Variants in TLE2 observed in about 807,000 individuals in gnomAD.
The protein encoded by TLE2 is TLE family member 2, transcriptional corepressor, also known as transducin-like enhancer protein 2.
Under a neutral mutation model 97.2 loss-of-function variants are expected in TLE2, and 74 were observed. The observed-to-expected ratio is 0.76, with a 90% confidence interval of 0.63 to 0.92. The LOEUF is 0.92. Ranked by LOEUF, TLE2 falls within the 40% of genes least tolerant of loss-of-function variation. The probability of loss-of-function intolerance (pLI) is 0.00; values close to 1 mark genes in which losing one functional copy is unlikely to be tolerated. For missense variants in TLE2, 1,038 were observed against 1,008.7 expected (o/e 1.03, Z -0.39); for synonymous variants, 499 against 432.1 (o/e 1.15, Z -1.92).
At chr19:3,024,276 G>A (rs1897867902) in intron 5 of TLE2, among the ~76,000 whole-genome samples, 1 of 151,906 alleles carries the variant, frequency 6.6e-6, no homozygotes, top group South Asian at 2.1e-4. Flanking sequence ...AAAATGCTGG[G>A]ATTACAGGCA....
intron 4 of TLE2, among the ~76,000 whole-genome samples, chr19:3,027,233 G>A (rs562357000): frequency 1.3e-5 from 2 of 152,342 alleles, no homozygotes; most frequent in South Asian, 2.1e-4. Context: ...AGAGCCTTAC[G>A]ACACTGGAGT....
At chr19:3,024,587 C>T (rs1322646891) in intron 5 of TLE2, among the ~76,000 whole-genome samples, 1 of 152,058 alleles carries the variant, frequency 6.6e-6, no homozygotes, top group Admixed American at 6.6e-5. Context: ...GTAGGGTTAA[C>T]TTTCATCAGG....
intron 5 of TLE2, among the ~76,000 whole-genome samples, chr19:3,024,731 G>C (rs1302587002): frequency 3.3e-5 from 5 of 152,208 alleles, no homozygotes; most frequent in Admixed American, 3.3e-4. Context: ...GACCCAGGCA[G>C]CCAACTTGCA....
chr19:3,040,173 T>A (rs1010963281), intron 1 of TLE2, among the ~76,000 whole-genome samples: 1 of 151,918 alleles, frequency 6.6e-6, no homozygotes, highest in Non-Finnish European at 1.5e-5. Flanking sequence ...GGGTTCACCC[T>A]CCTAGGATCG....
At chr19:3,000,072 TTTTA>T (rs1293579498) in intron 19 of TLE2, among the ~76,000 whole-genome samples, 60 of 150,850 alleles carry the variant, frequency 4.0e-4, no homozygotes, top group African/African-American at 9.8e-4. Context: ...CAAATTTTAT[TTTTA>T]TTTATTTATT....
At chr19:3,027,785 C>G (rs757892049) in intron 4 of TLE2, 44 bp downstream of exon 4, 8 of 1,588,700 alleles carry the variant, frequency 5.0e-6, no homozygotes, top group East Asian at 2.3e-5. Context: ...GGCTTCCAGA[C>G]CCCCACCCTC....
chr19:3,032,571 G>A (rs78631578), upstream of TLE2, among the ~76,000 whole-genome samples: 4,616 of 152,134 alleles, frequency 0.03, 200 homozygotes, highest in African/African-American at 0.096. This position sits in a 1 kb window ranked among gnomAD's most constrained non-coding sequence, Gnocchi z 4.1. Flanking sequence ...ATGTTTACTC[G>A]GAGGTTGTTC....
At chr19:2,998,124 G>A (rs1903142048) in intron 19 of TLE2, among the ~76,000 whole-genome samples, 169 bp from the exon 20 acceptor site, 1 of 151,982 alleles carries the variant, frequency 6.6e-6, no homozygotes, top group Non-Finnish European at 1.5e-5. Flanking sequence ...AGGCTGAAGT[G>A]CAGTGGTGCG....
intron 1 of TLE2, among the ~76,000 whole-genome samples, chr19:3,039,225 CAAAAAAAAA>C (rs1198237452): frequency 9.6e-6 from 1 of 103,874 alleles, no homozygotes; most frequent in Non-Finnish European, 2.0e-5. Context: ...TTCCCCACTC[CAAAAAAAAA>C]AAAAAAAAAA....
chr19:3,015,713 C>T lies in TLE2; in HGVS notation c.618G>A (p.Pro206=), dbSNP rs200165721. Residue 206 remains proline, a synonymous_variant, in exon 9 of 20, where the codon CCG becomes CCA. Transcript: ENST00000262953. ...GCTTCCCGCCACCACCAGGGCCACT[C>T]GGTCGCTCCTCCTCCACGAGACTCT... ...PPESLVEEER[P]SGPGGGGKQR... is the part of the protein sequence containing the mutation. 18 of 1,611,510 alleles carry T rather than the reference C, an allele frequency of 1.1e-5. No individual in the cohort carries two copies. Among genetic ancestry groups the T allele is most frequent in the East Asian group, 4.5e-5 (2 of 44,794 alleles).
At position 3,027,230 on chromosome 19, in the gene TLE2, T is replaced by C. The variant is rs544265386; in HGVS notation, c.231+599A>G. 2.6e-5 allele frequency among the ~76,000 whole-genome samples: 4 copies of C among 152,364 alleles called. No individual in the cohort carries two copies. The East Asian group carries it at 7.7e-4, about 29-fold the overall frequency. On this transcript the variant is annotated intron_variant, in intron 4 of 19. Transcript: ENST00000262953. ...AAGCTCCAGAAGAGGCTCAGAGCCT[T>C]ACGACACTGGAGTCAATCTCAAAGC...
rs542333425 is a variant in TLE2 at position 3,000,978 on chromosome 19, A to G, written c.2048-255T>C. Among the ~76,000 whole-genome samples the G allele has an allele frequency of 4.6e-5, 7 of 152,028 alleles. No individual in the cohort carries two copies. In the South Asian group the frequency reaches 1.0e-3, roughly 23 times the overall value. ...CAGGTGTGCACCACCACGCCCAGCT[A>G]ATATTTTTATTTTTTGCCGGGGGCA... On this transcript the variant is annotated intron_variant, in intron 18 of 19. Coordinates refer to ENST00000262953, the MANE Select transcript of TLE2 (RefSeq NM_003260.5).
At chr19:3,035,345 A>C (rs550022665) in intron 1 of TLE2, among the ~76,000 whole-genome samples, 1 of 152,210 alleles carries the variant, frequency 6.6e-6, no homozygotes, top group South Asian at 2.1e-4. Context: ...TAGAGTCCCC[A>C]GCGACTTCAT....
intron 5 of TLE2, among the ~76,000 whole-genome samples, chr19:3,022,299 A>G (rs769047830): frequency 6.6e-6 from 1 of 152,026 alleles, no homozygotes; most frequent in Non-Finnish European, 1.5e-5. Flanking sequence ...AGCCAGATGG[A>G]TCACCTGAGG....
intron 5 of TLE2, among the ~76,000 whole-genome samples, chr19:3,024,079 C>T (rs112744806): frequency 0.17 from 25,792 of 148,898 alleles, 2,941 homozygotes; most frequent in East Asian, 0.31. Context: ...CACTGCAACC[C>T]CCGCCTCCTG....
intron 1 of TLE2, among the ~76,000 whole-genome samples, chr19:3,037,392 G>A (rs1023188655): frequency 6.6e-6 from 1 of 152,248 alleles, no homozygotes; most frequent in Non-Finnish European, 1.5e-5. Flanking sequence ...AGTGCCTTTA[G>A]ATTACCCTAA....
At position 3,019,645 on chromosome 19, in the gene TLE2, G is replaced by A; in HGVS notation, c.369+54C>T. 3.2e-6 allele frequency: 5 copies of A among 1,580,534 alleles called. No individual in the cohort carries two copies. The highest frequency in any genetic ancestry group is 4.3e-6 in the Non-Finnish European group (5 of 1,163,146). On this transcript the variant is annotated intron_variant, in intron 6 of 19. Coordinates refer to ENST00000262953, the MANE Select transcript of TLE2 (RefSeq NM_003260.5). The surrounding 1 kb of genome is among the most constrained non-coding windows in gnomAD (Gnocchi z 5.1). ...TTTAACACCTCCTGGGTGGGTGCCA[G>A]GGACCTGGGAGTGGGCGTCTCCCCA...
At chr19:2,998,297 A>G (rs1198980806) in intron 19 of TLE2, among the ~76,000 whole-genome samples, 6 of 117,736 alleles carry the variant, frequency 5.1e-5, no homozygotes, top group African/African-American at 2.0e-4. Flanking sequence ...TTTTTTTGTG[A>G]GACAGGGTCT....
chr19:3,009,436 T>C, intron 13 of TLE2, 106 bp downstream of exon 13: 1 of 1,349,884 alleles, frequency 7.4e-7, no homozygotes, highest in Non-Finnish European at 9.7e-7. Context: ...AGGGCTCCCT[T>C]CCCTTTCTGC....
Sources: allele counts gnomAD v4.1 joint callset (sites outside exome capture counted in the v4.1 genomes callset), GRCh38; gene constraint gnomAD v4.1.1; non-coding constraint Gnocchi (gnomAD v3.1); transcripts MANE v1.5; gene names NCBI Gene and HGNC (gene_info 2026-07-23, HGNC 2026-07-21).